NME7: variants seen among roughly 807,000 people sequenced by gnomAD.
NME7 encodes NME/NM23 family member 7.
NME7 carries 41 observed loss-of-function variants against 49.1 expected under a neutral mutation model. The observed-to-expected ratio is 0.83, with a 90% CI of 0.65 to 1.08. The LOEUF is 1.08. Among genes scored for constraint, NME7 ranks in the 50% least tolerant of loss-of-function variants. The pLI is 0.00. For synonymous variants in NME7, 139 were observed against 150.6 expected, an observed-to-expected ratio of 0.92 and a Z score of 0.56; for missense variants, 423 against 463.4, an observed-to-expected ratio of 0.91 and a Z score of 0.80.
At chr1:169,230,924 T>A in intron 9 of NME7, 105 bp from the exon 10 acceptor site, 1 of 630,456 alleles carries the variant, frequency 1.6e-6, no homozygotes, top group Non-Finnish European at 2.5e-6. Context: ...ATCTGTGACT[T>A]CTTCCCCACT....
chr1:169,350,282 G>GAAGGAAGGAAGGAAGGAAGA (rs1158036242), intron 1 of NME7, among the ~76,000 whole-genome samples: 1 of 151,460 alleles, frequency 6.6e-6, no homozygotes, highest in African/African-American at 2.4e-5. Context: ...AGGAAGGAAG[G>GAAGGAAGGAAGGAAGGAAGA]AAGGAAAGAG....
At chr1:169,267,104 A>G (rs1488834508) in intron 7 of NME7, among the ~76,000 whole-genome samples, 1 of 133,098 alleles carries the variant, frequency 7.5e-6, no homozygotes, top group Non-Finnish European at 1.8e-5. Flanking sequence ...ATTTATAAAA[A>G]TCAGTAGCAT....
At chr1:169,255,271 GGATA>G (rs1648869996) in intron 7 of NME7, among the ~76,000 whole-genome samples, 1 of 139,584 alleles carries the variant, frequency 7.2e-6, no homozygotes, top group Non-Finnish European at 1.6e-5. Context: ...AATATATTTA[GGATA>G]GTTAGCTCTT....
chr1:169,225,020 A>G (rs1647268246), intron 10 of NME7, among the ~76,000 whole-genome samples: 2 of 152,234 alleles, frequency 1.3e-5, no homozygotes, highest in African/African-American at 4.8e-5. Flanking sequence ...TTCTCTGTCA[A>G]TAAGACAATA....
intron 10 of NME7, among the ~76,000 whole-genome samples, chr1:169,216,259 T>G (rs1222588993): frequency 6.6e-6 from 1 of 152,206 alleles, no homozygotes; most frequent in Non-Finnish European, 1.5e-5. Flanking sequence ...GATCAATGTA[T>G]GATCAGAAGG....
intron 1 of NME7, among the ~76,000 whole-genome samples, chr1:169,343,505 T>C (rs897749758): frequency 1.3e-5 from 2 of 152,018 alleles, no homozygotes; most frequent in African/African-American, 4.8e-5. Context: ...TTTTTTTTTT[T>C]TTTGAGATAG....
chr1:169,320,028 T>G (rs1166047935), intron 3 of NME7, among the ~76,000 whole-genome samples: 2 of 152,206 alleles, frequency 1.3e-5, no homozygotes, highest in Non-Finnish European at 2.9e-5. Context: ...TAGCTGTCTA[T>G]TCATATAAAA....
At chr1:169,367,143 T>TAA (rs10626974) in intron 1 of NME7, among the ~76,000 whole-genome samples, 1,872 of 148,630 alleles carry the variant, frequency 0.013, 24 homozygotes, top group Middle Eastern at 0.024. Context: ...AATTTCTGTT[T>TAA]AAAAAAAAAA....
rs1267534640 is a variant in NME7 at position 169,137,900 on chromosome 1, C to A, written c.1099-5083G>T. Among the ~76,000 whole-genome samples the A allele has an allele frequency of 2.6e-5, 4 of 151,560 alleles. No individual in the cohort carries two copies. The East Asian group carries it at 7.7e-4, about 29-fold the overall frequency. ...AAAAGCCCTTGGGCTGCAGATGTAC[C>A]CCCCACAAATCTATTTATGGTCTAA... On this transcript the variant is annotated intron_variant, in intron 11 of 11. Transcript: ENST00000367811.
At chr1:169,251,768 A>G (rs555863867) in intron 7 of NME7, among the ~76,000 whole-genome samples, 1 of 137,832 alleles carries the variant, frequency 7.3e-6, no homozygotes, top group African/African-American at 2.7e-5. Flanking sequence ...TGTCCATGTG[A>G]TCTCATTGTT....
chr1:169,175,787 T>C (rs970185757), intron 10 of NME7, among the ~76,000 whole-genome samples: 2 of 152,128 alleles, frequency 1.3e-5, no homozygotes, highest in Non-Finnish European at 2.9e-5. Flanking sequence ...GTGATATACA[T>C]ATATGGATAA....
chr1:169,349,863 A>T (rs2101973628), intron 1 of NME7, among the ~76,000 whole-genome samples: 1 of 152,308 alleles, frequency 6.6e-6, no homozygotes, highest in East Asian at 1.9e-4. Context: ...TAGTTTTCTA[A>T]GCAAGCTATT....
At chr1:169,280,818 C>G (rs58003088) in intron 7 of NME7, among the ~76,000 whole-genome samples, 4,082 of 148,564 alleles carry the variant, frequency 0.027, 386 homozygotes, top group African/African-American at 0.092. Context: ...GTCTACATAT[C>G]TGTTTTGGTA....
At chr1:169,190,724 T>C (rs755963551) in intron 10 of NME7, 1 of 411,450 alleles carries the variant, frequency 2.4e-6, no homozygotes, top group South Asian at 1.7e-5. Flanking sequence ...AGAGGCAATA[T>C]AAAAAAAGTG....
intron 10 of NME7, among the ~76,000 whole-genome samples, chr1:169,174,519 T>C (rs1212002886): frequency 1.3e-5 from 2 of 152,176 alleles, no homozygotes; most frequent in Admixed American, 6.5e-5. Context: ...AACAGAGATA[T>C]AGTCTAAGAA....
At chr1:169,155,566 G>T (rs1370423686) in intron 11 of NME7, among the ~76,000 whole-genome samples, 1 of 152,210 alleles carries the variant, frequency 6.6e-6, no homozygotes, top group Non-Finnish European at 1.5e-5. Context: ...GCAATAAAGT[G>T]AGCTTCAGGT....
In NME7 at chr1:169,305,793, T is replaced by A. The variant is rs558579874; in HGVS notation, c.390-2598A>T. Among the ~76,000 whole-genome samples, 28 of 152,170 alleles carry A rather than the reference T, an allele frequency of 1.8e-4. 1 individual carries two copies. Among genetic ancestry groups the A allele is most frequent in the Non-Finnish European group, 2.9e-4 (20 of 68,016 alleles). ...GATATGGAGGCAAGGAGAACCAATA[T>A]AAACACAATGCTCATGCTGCTTGCT... On this transcript the variant is annotated intron_variant, in intron 4 of 11. Transcript: ENST00000367811.
At chr1:169,252,420 C>A (rs571262155) in intron 7 of NME7, among the ~76,000 whole-genome samples, 1 of 151,882 alleles carries the variant, frequency 6.6e-6, no homozygotes, top group Admixed American at 6.6e-5. Flanking sequence ...TTGTTTTTTT[C>A]TTAAAAATTT....
chr1:169,139,964 T>TAAAAAATA (rs1472037167), intron 11 of NME7, among the ~76,000 whole-genome samples: 1 of 152,214 alleles, frequency 6.6e-6, no homozygotes, highest in Non-Finnish European at 1.5e-5. Flanking sequence ...AAAATGAAGG[T>TAAAAAATA]CTGTACCTTG....
Sources: gnomAD v4.1 joint callset for allele counts (sites outside exome capture counted in the v4.1 genomes callset) on GRCh38, gnomAD v4.1.1 for gene constraint, MANE v1.5 for transcripts, NCBI Gene and HGNC (gene_info 2026-07-23, HGNC 2026-07-21) for gene names.